CCDC171: variants seen among roughly 807,000 people sequenced by gnomAD.
CCDC171 encodes the protein coiled-coil domain containing 171.
Under a neutral mutation model 168.2 loss-of-function variants are expected in CCDC171, and 177 were observed. The observed-to-expected ratio is 1.05, with a 90% CI of 0.93 to 1.19. CCDC171 has a LOEUF of 1.19. Ranked by LOEUF, CCDC171 falls within the 50% of genes most tolerant of loss-of-function variation. CCDC171 has a pLI of 0.00. For synonymous variants in CCDC171, 687 were observed against 540.8 expected, an observed-to-expected ratio of 1.27 and a Z score of -3.75; for missense variants, 1,991 against 1,539.0, an observed-to-expected ratio of 1.29 and a Z score of -4.91.
chr9:15,896,486 A>G (rs557482728), intron 24 of CCDC171, among the ~76,000 whole-genome samples: 13 of 152,200 alleles, frequency 8.5e-5, no homozygotes, highest in African/African-American at 2.6e-4. Context: ...AAATGCCAAA[A>G]AAGGAAAATG....
chr9:15,568,220 T>C (rs971154607), intron 2 of CCDC171, among the ~76,000 whole-genome samples: 6 of 152,128 alleles, frequency 3.9e-5, no homozygotes, highest in African/African-American at 1.4e-4. Context: ...GCATGCCTTT[T>C]ATTTCTTTTA....
chr9:15,745,745 CTTTAT>C (rs879807443), intron 18 of CCDC171, 114 bp downstream of exon 18: 23 of 597,010 alleles, frequency 3.9e-5, no homozygotes, highest in Non-Finnish European at 6.5e-5. Context: ...TTGTTTTTAT[CTTTAT>C]TTTATTCAGT....
chr9:15,822,591 T>A (rs368545878), intron 21 of CCDC171, among the ~76,000 whole-genome samples: 2 of 152,110 alleles, frequency 1.3e-5, no homozygotes, highest in Non-Finnish European at 2.9e-5. Context: ...AAAATGCTCA[T>A]CATCACTGAC....
intron 24 of CCDC171, among the ~76,000 whole-genome samples, chr9:15,914,409 G>T (rs922837796): frequency 6.6e-6 from 1 of 152,182 alleles, no homozygotes; most frequent in African/African-American, 2.4e-5. Flanking sequence ...AGTGGGCTCT[G>T]TCCAGTCAGA....
chr9:15,991,353 C>G (rs956140183), intron 3 of CCDC171, among the ~76,000 whole-genome samples: 1 of 151,486 alleles, frequency 6.6e-6, no homozygotes, highest in African/African-American at 2.5e-5. Flanking sequence ...GAAATGAAGG[C>G]AGAAATAAAG....
intron 1 of CCDC171, among the ~76,000 whole-genome samples, chr9:16,060,464 G>T (rs62550912): frequency 0.13 from 19,456 of 152,286 alleles, 1,308 homozygotes; most frequent in Middle Eastern, 0.16. Flanking sequence ...CCCCCAGGCT[G>T]GGCCTCAGCC....
intron 11 of CCDC171, among the ~76,000 whole-genome samples, chr9:15,705,234 G>A (rs1440166774): frequency 6.6e-6 from 1 of 152,170 alleles, no homozygotes; most frequent in East Asian, 1.9e-4. Context: ...CACCTTGAAT[G>A]TATATAATCT....
At chr9:15,573,481 C>T (rs1322981081) in intron 3 of CCDC171, among the ~76,000 whole-genome samples, 6 of 151,980 alleles carry the variant, frequency 3.9e-5, no homozygotes, top group Admixed American at 3.9e-4. Flanking sequence ...GGGGTTTTAC[C>T]ATGTTGGCTA....
At chr9:15,574,365 G>A (rs1304905072) in intron 3 of CCDC171, among the ~76,000 whole-genome samples, 2 of 151,804 alleles carry the variant, frequency 1.3e-5, no homozygotes, top group East Asian at 1.9e-4. Context: ...GGCTGGTCTC[G>A]AACTCCTGAC....
rs558978709 is a variant in CCDC171, at chr9:15,583,041, C to T, written c.352+4018C>T. Among the ~76,000 whole-genome samples, 26 of 152,050 alleles carry T rather than the reference C, an allele frequency of 1.7e-4. No homozygotes were observed. The South Asian group carries it at 3.9e-3, about 23-fold the overall frequency. ...ATTATATGAAAAAGACACATGCACA[C>T]GCAGGTTTACAGCAGCACAATTCAC... On this transcript the variant is annotated intron_variant, in intron 4 of 25. Transcript: ENST00000380701.
chr9:16,010,513 C>G (rs1255827711), intron 3 of CCDC171, among the ~76,000 whole-genome samples: 1 of 151,976 alleles, frequency 6.6e-6, no homozygotes, highest in African/African-American at 2.4e-5. Context: ...GCAGCTCAGC[C>G]CTCTCGCTCC....
At chr9:15,884,649 T>TG in intron 24 of CCDC171, among the ~76,000 whole-genome samples, 1 of 152,320 alleles carries the variant, frequency 6.6e-6, no homozygotes, top group Middle Eastern at 3.4e-3. Flanking sequence ...ATTGAAGTTC[T>TG]GGCCCTGTAA....
intron 18 of CCDC171, among the ~76,000 whole-genome samples, chr9:15,761,708 A>G (rs1047442583): frequency 6.6e-6 from 1 of 152,200 alleles, no homozygotes; most frequent in African/African-American, 2.4e-5. Flanking sequence ...AACGGAAACA[A>G]GCACAATCTG....
At chr9:15,982,664 C>G (rs549266064) in intron 3 of CCDC171, among the ~76,000 whole-genome samples, 15 of 152,228 alleles carry the variant, frequency 9.9e-5, no homozygotes, top group African/African-American at 3.6e-4. Flanking sequence ...CTTTCTGTGC[C>G]TCTGCTTCCT....
chr9:15,987,471 A>T (rs754541683), intron 3 of CCDC171, among the ~76,000 whole-genome samples: 7 of 152,178 alleles, frequency 4.6e-5, no homozygotes, highest in South Asian at 2.1e-4. Flanking sequence ...TAAAAAAAAA[A>T]GCATGAAAAA....
intron 3 of CCDC171, among the ~76,000 whole-genome samples, chr9:16,007,566 G>T (rs868540118): frequency 3.9e-5 from 6 of 152,278 alleles, no homozygotes; most frequent in South Asian, 2.1e-4. Context: ...ATGGTTTTAG[G>T]TTTAATATGT....
At chr9:15,841,692 C>G (rs1211248041) in intron 21 of CCDC171, among the ~76,000 whole-genome samples, 1 of 151,754 alleles carries the variant, frequency 6.6e-6, no homozygotes, top group Non-Finnish European at 1.5e-5. Flanking sequence ...GTACTATATA[C>G]CAACATCTTT....
chr9:16,042,842 C>T (rs1051214396), exon 1 of CCDC171: 2 of 152,130 alleles, frequency 1.3e-5, no homozygotes, highest in Non-Finnish European at 2.9e-5. Flanking sequence ...TGTACACGCA[C>T]ACCAGATAAA....
At chr9:15,936,072 C>T (rs1827077903) in intron 25 of CCDC171, among the ~76,000 whole-genome samples, 1 of 152,042 alleles carries the variant, frequency 6.6e-6, no homozygotes, top group South Asian at 2.1e-4. Flanking sequence ...AGATTCTCAT[C>T]ATTTTATGAA....
Sources: allele counts gnomAD v4.1 joint callset (sites outside exome capture counted in the v4.1 genomes callset), GRCh38; gene constraint gnomAD v4.1.1; transcripts MANE v1.5; gene names NCBI Gene and HGNC (gene_info 2026-07-23, HGNC 2026-07-21).